Variants in HCN1 observed in about 807,000 individuals in gnomAD.
HCN1 encodes potassium/sodium hyperpolarization-activated cyclic nucleotide-gated channel 1.
HCN1 carries 13 observed loss-of-function variants against 78.9 expected under a neutral mutation model. That is an observed-to-expected ratio of 0.16 (90% CI 0.11 to 0.26). The LOEUF is 0.26. Ranked by LOEUF, HCN1 falls within the 10% of genes least tolerant of loss-of-function variation. The pLI is 1.00. For synonymous variants in HCN1, 552 were observed against 455.5 expected, an observed-to-expected ratio of 1.21 and a Z score of -2.70; for missense variants, 810 against 1,154.3, an observed-to-expected ratio of 0.70 and a Z score of 4.32.
intron 5 of HCN1, among the ~76,000 whole-genome samples, chr5:45,346,169 A>G (rs1746701419): frequency 6.6e-6 from 1 of 152,230 alleles, no homozygotes; most frequent in Non-Finnish European, 1.5e-5. Context: ...CCATGATTCA[A>G]TTACCTCCCA....
chr5:45,338,648 C>G (rs560368014), intron 5 of HCN1, among the ~76,000 whole-genome samples: 18 of 152,096 alleles, frequency 1.2e-4, no homozygotes, highest in Non-Finnish European at 2.1e-4. Context: ...ACACCTTTGC[C>G]TAAGTTGATT....
intron 6 of HCN1, among the ~76,000 whole-genome samples, chr5:45,298,835 A>C (rs1422146899): frequency 6.6e-6 from 1 of 151,974 alleles, no homozygotes; most frequent in Non-Finnish European, 1.5e-5. Context: ...TTAACTTTAC[A>C]ATGGAGATGT....
At chr5:45,267,317 G>C (rs888194011) in intron 6 of HCN1, 64 bp from the exon 7 acceptor site, 126 of 1,476,440 alleles carry the variant, frequency 8.5e-5, no homozygotes, top group Middle Eastern at 1.7e-4. Flanking sequence ...AGCCATTAAG[G>C]CTTCCCACAA....
At chr5:45,512,328 A>C (rs1217400068) in intron 2 of HCN1, among the ~76,000 whole-genome samples, 2 of 152,132 alleles carry the variant, frequency 1.3e-5, no homozygotes, top group Non-Finnish European at 2.9e-5. Flanking sequence ...TGAAGTCTAA[A>C]GTGCTAAAAA....
chr5:45,621,626 G>A (rs146745101), intron 2 of HCN1, among the ~76,000 whole-genome samples: 8 of 152,202 alleles, frequency 5.3e-5, no homozygotes, highest in Non-Finnish European at 1.2e-4. Context: ...TTAGTAAAAC[G>A]TAATTTGTAG....
At chr5:45,454,400 C>T (rs1740983017) in intron 3 of HCN1, among the ~76,000 whole-genome samples, 4 of 151,226 alleles carry the variant, frequency 2.6e-5, no homozygotes, top group Admixed American at 2.6e-4. Flanking sequence ...TATTATAACT[C>T]ATAGGAGCTA....
intron 5 of HCN1, among the ~76,000 whole-genome samples, chr5:45,336,585 A>G (rs1271988828): frequency 1.3e-5 from 2 of 152,094 alleles, no homozygotes; most frequent in Non-Finnish European, 2.9e-5. Context: ...AACTTGAACA[A>G]TTGTTTGATG....
chr5:45,597,635 G>T (rs1394029800), intron 2 of HCN1, among the ~76,000 whole-genome samples: 1 of 152,158 alleles, frequency 6.6e-6, no homozygotes, highest in African/African-American at 2.4e-5. Context: ...AATTGTCCCT[G>T]TTTGCAGATG....
intron 3 of HCN1, among the ~76,000 whole-genome samples, chr5:45,432,091 G>A (rs578206955): frequency 3.0e-4 from 46 of 151,970 alleles, no homozygotes; most frequent in African/African-American, 1.0e-3. Flanking sequence ...TCCATTTGTC[G>A]CTGTCATCTC....
chr5:45,561,458 T>G (rs2111880065), intron 2 of HCN1, among the ~76,000 whole-genome samples: 1 of 152,240 alleles, frequency 6.6e-6, no homozygotes, highest in Non-Finnish European at 1.5e-5. Flanking sequence ...CTTCAAAGGC[T>G]AAAATATTTT....
At chr5:45,284,434 G>A (rs1302736305) in intron 6 of HCN1, among the ~76,000 whole-genome samples, 1 of 152,060 alleles carries the variant, frequency 6.6e-6, no homozygotes, top group Admixed American at 6.6e-5. Flanking sequence ...TGAAAAATAA[G>A]AGGAAATAAA....
intron 2 of HCN1, among the ~76,000 whole-genome samples, chr5:45,638,021 A>G (rs1039584214): frequency 3.9e-5 from 6 of 152,188 alleles, no homozygotes; most frequent in African/African-American, 1.4e-4. Context: ...TGAGACACAA[A>G]TTGGCTTGGA....
At chr5:45,533,991 A>G (rs972385110) in intron 2 of HCN1, among the ~76,000 whole-genome samples, 1 of 152,188 alleles carries the variant, frequency 6.6e-6, no homozygotes, top group South Asian at 2.1e-4. Context: ...CCCAGCTTTA[A>G]GATGTATTAT....
At chr5:45,315,821 G>T (rs890818638) in intron 5 of HCN1, among the ~76,000 whole-genome samples, 1 of 152,072 alleles carries the variant, frequency 6.6e-6, no homozygotes, top group African/African-American at 2.4e-5. Context: ...TAGAAGAAAT[G>T]GATAAATTCC....
Position 45,484,433 on chromosome 5 carries a change from TA to T in HCN1, c.850-22427del, listed in dbSNP as rs542294680. ...TGGGCAACAGAGCAAGACGCCATCTTAAAAAAAAAAATCCGTCTAAATATAA... is the reference window on the plus strand; with the variant it reads ...TGGGCAACAGAGCAAGACGCCATCTTAAAAAAAAAATCCGTCTAAATATAA... On this transcript the variant is annotated intron_variant, in intron 2 of 7. Transcript: ENST00000303230. Among the ~76,000 whole-genome samples the T allele has an allele frequency of 1.8e-3, 273 of 147,664 alleles. 3 individuals carry two copies. Among genetic ancestry groups the T allele is most frequent in the African/African-American group, 4.4e-3 (180 of 40,472 alleles).
At chr5:45,389,179 T>C (rs1414975085) in intron 4 of HCN1, among the ~76,000 whole-genome samples, 5 of 152,098 alleles carry the variant, frequency 3.3e-5, no homozygotes, top group Admixed American at 3.3e-4. Context: ...ATTTCACCTT[T>C]CTCTCTGTTC....
intron 2 of HCN1, among the ~76,000 whole-genome samples, chr5:45,594,120 G>A (rs543218975): frequency 5.4e-4 from 82 of 152,260 alleles, no homozygotes; most frequent in African/African-American, 1.6e-3. Context: ...TTCCCTTAGC[G>A]GAATGAAAGT....
chr5:45,658,701 C>T (rs1323578606), intron 1 of HCN1, among the ~76,000 whole-genome samples: 1 of 151,630 alleles, frequency 6.6e-6, no homozygotes, highest in South Asian at 2.1e-4. Flanking sequence ...AGGGACGCAC[C>T]TGGAAAATCG....
chr5:45,603,015 T>G (rs1321640131), intron 2 of HCN1, among the ~76,000 whole-genome samples: 1 of 152,140 alleles, frequency 6.6e-6, no homozygotes, highest in Non-Finnish European at 1.5e-5. Context: ...CAGTAAAGTA[T>G]GAAATTTTAA....
Sources: gnomAD v4.1 joint callset for allele counts (sites outside exome capture counted in the v4.1 genomes callset) on GRCh38, gnomAD v4.1.1 for gene constraint, MANE v1.5 for transcripts, NCBI Gene and HGNC (gene_info 2026-07-23, HGNC 2026-07-21) for gene names.